Variants in SHQ1 observed in about 807,000 individuals in gnomAD.
SHQ1 encodes the protein SHQ1, H/ACA ribonucleoprotein assembly factor, also known as protein SHQ1 homolog.
A neutral mutation model predicts 53.8 loss-of-function variants in SHQ1; 49 were observed. The ratio of observed to expected loss-of-function variants is 0.91; its 90% confidence interval spans 0.72 to 1.16. The LOEUF (loss-of-function observed/expected upper bound fraction) is 1.16. SHQ1 is among the 50% of genes most tolerant of loss of function. The pLI is 0.00. For synonymous variants in SHQ1, 243 were observed against 251.0 expected (o/e 0.97, Z 0.30); for missense variants, 738 against 683.1 (o/e 1.08, Z -0.90).
chr3:72,800,870 A>G (rs1477216519), intron 9 of SHQ1, among the ~76,000 whole-genome samples: 1 of 152,212 alleles, frequency 6.6e-6, no homozygotes, highest in African/African-American at 2.4e-5. Flanking sequence ...ACTTTATTAC[A>G]TCACTGTACC....
intron 10 of SHQ1, among the ~76,000 whole-genome samples, chr3:72,788,349 GTC>G (rs1384200879): frequency 6.6e-6 from 1 of 151,462 alleles, no homozygotes. Flanking sequence ...ACTGAGGAGT[GTC>G]TCTGCCCCGC....
At chr3:72,726,079 GA>G in the SHQ1 span, among the ~76,000 whole-genome samples, 2 of 152,108 alleles carry the variant, frequency 1.3e-5, no homozygotes, top group Admixed American at 6.5e-5. Flanking sequence ...ACCAGCCTGA[GA>G]AAAACATTAA....
chr3:72,804,620 A>G (rs1706884856), intron 9 of SHQ1, among the ~76,000 whole-genome samples: 2 of 152,248 alleles, frequency 1.3e-5, no homozygotes, highest in Non-Finnish European at 2.9e-5. Context: ...CCTTGCACGG[A>G]GAATAGATTT....
At chr3:72,796,839 A>C (rs1036898960) in intron 9 of SHQ1, among the ~76,000 whole-genome samples, 5 of 152,152 alleles carry the variant, frequency 3.3e-5, no homozygotes, top group Non-Finnish European at 7.4e-5. Flanking sequence ...AGAAATGTCA[A>C]ATAACAAAAA....
At chr3:72,781,898 T>C (rs1014357411) in intron 10 of SHQ1, among the ~76,000 whole-genome samples, 1 of 152,214 alleles carries the variant, frequency 6.6e-6, no homozygotes, top group South Asian at 2.1e-4. Flanking sequence ...GTAGAAGGTC[T>C]ATTACAGTTT....
chr3:72,820,917 T>G (rs1285102128), intron 6 of SHQ1, among the ~76,000 whole-genome samples: 1 of 152,198 alleles, frequency 6.6e-6, no homozygotes, highest in African/African-American at 2.4e-5. Context: ...AAATGAAAGA[T>G]GTCTGCAAGG....
chr3:72,743,785 A>G, the SHQ1 span, among the ~76,000 whole-genome samples: 4 of 152,366 alleles, frequency 2.6e-5, no homozygotes, highest in Middle Eastern at 3.4e-3. Flanking sequence ...TCTGTGCTCT[A>G]GTAAATAAGA....
intron 10 of SHQ1, among the ~76,000 whole-genome samples, chr3:72,789,452 T>C (rs527993460): frequency 6.6e-6 from 1 of 152,284 alleles, no homozygotes; most frequent in Non-Finnish European, 1.5e-5. Flanking sequence ...AAGGGTTGGA[T>C]ACCATGGAAC....
At chr3:72,831,862 A>G (rs1344421956) in intron 5 of SHQ1, among the ~76,000 whole-genome samples, 2 of 152,230 alleles carry the variant, frequency 1.3e-5, no homozygotes, top group Non-Finnish European at 2.9e-5. Flanking sequence ...TTCAAATTAG[A>G]TTCTATTTAT....
In SHQ1 at chr3:72,812,761, A is replaced by G; in HGVS notation, c.970T>C (p.Phe324Leu). 1 of 1,614,066 alleles carries G rather than the reference A, an allele frequency of 6.2e-7. No homozygotes were observed. The change falls in exon 9 of 11, where the codon TTT becomes CTT. Residue 324 changes from phenylalanine to leucine, a missense_variant. By Grantham distance (22) the Phe-to-Leu change is conservative (BLOSUM62 0). Transcript: ENST00000325599. The part of the protein sequence containing the change: ...WTNVHDIMVS[F>L]GRRVLCYPLY... The stretch of plus-strand genomic sequence containing the variant: ...GGGTAACACAACACCCTTCTTCCAA[A>G]AGACACCATGATATCATGAACGTTA...
At chr3:72,837,052 G>T (rs930878146) in intron 4 of SHQ1, among the ~76,000 whole-genome samples, 3 of 152,226 alleles carry the variant, frequency 2.0e-5, no homozygotes, top group Non-Finnish European at 4.4e-5. Context: ...ACTGGCAGCA[G>T]CAGTCCCAGG....
At chr3:72,773,313 C>T (rs950263524) in intron 10 of SHQ1, 1 of 608,296 alleles carries the variant, frequency 1.6e-6, no homozygotes, top group African/African-American at 1.9e-5. Context: ...AATCTAGCTC[C>T]AAAGACAAGA....
chr3:72,763,062 C>CACACTGAG (rs1315245242), intron 10 of SHQ1, among the ~76,000 whole-genome samples: 29 of 76,264 alleles, frequency 3.8e-4, no homozygotes, highest in African/African-American at 1.1e-3. Context: ...CACACACACA[C>CACACTGAG]AGAGAGAGAG....
downstream of SHQ1, among the ~76,000 whole-genome samples, chr3:72,745,954 T>A (rs1476164478): frequency 1.3e-5 from 2 of 151,954 alleles, no homozygotes; most frequent in Non-Finnish European, 2.9e-5. Flanking sequence ...GTGATTCTCC[T>A]GCCTCAGCCT....
At chr3:72,806,325 T>C (rs375371654) in intron 9 of SHQ1, among the ~76,000 whole-genome samples, 138 of 152,272 alleles carry the variant, frequency 9.1e-4, no homozygotes, top group African/African-American at 3.2e-3. Context: ...GTATGTAAAA[T>C]GGTCAGCAAA....
At chr3:72,824,342 G>A (rs1223011986) in intron 6 of SHQ1, 82 bp downstream of exon 6, 27 of 1,502,930 alleles carry the variant, frequency 1.8e-5, no homozygotes, top group East Asian at 1.6e-4. Flanking sequence ...ACAACTATAC[G>A]CTTAATAATA....
chr3:72,801,658 T>G (rs944325467), intron 9 of SHQ1, among the ~76,000 whole-genome samples: 1 of 152,156 alleles, frequency 6.6e-6, no homozygotes, highest in Non-Finnish European at 1.5e-5. Flanking sequence ...TGTGTTTCAG[T>G]GAATATGTTT....
In SHQ1 at chr3:72,749,605, C is replaced by T. The variant is rs1296084668; in HGVS notation, c.*679G>A. ...CACTTCAGTTGTGGTGATAGTTTTA[C>T]GCAGGGTATACATACGCCAACACAT... is the stretch of plus-strand genomic sequence containing the variant. On this transcript the variant is annotated 3_prime_UTR_variant, in exon 11 of 11. Transcript: ENST00000325599. 2.7e-5 allele frequency: 6 copies of T among 220,022 alleles called. No individual in the cohort carries two copies. Among genetic ancestry groups the T allele is most frequent in the Middle Eastern group, 1.3e-3 (1 of 748 alleles). The allele number at this position is 220,022 out of a possible 1,614,324, so 13.6% of individuals were successfully genotyped here.
intron 1 of SHQ1, 67 bp from the exon 2 acceptor site, chr3:72,844,490 T>A (rs780763339): frequency 8.6e-7 from 1 of 1,162,110 alleles, no homozygotes; most frequent in Admixed American, 1.7e-5. Flanking sequence ...CCATCAATAC[T>A]TGCAAACATT....
Sources: gnomAD v4.1 joint callset for allele counts (sites outside exome capture counted in the v4.1 genomes callset) on GRCh38, gnomAD v4.1.1 for gene constraint, MANE v1.5 for transcripts, NCBI Gene and HGNC (gene_info 2026-07-23, HGNC 2026-07-21) for gene names.